Variants in MLC1 observed in about 807,000 individuals in gnomAD.
MLC1 encodes the protein membrane protein MLC1.
In MLC1, 32 loss-of-function variants were observed where a neutral mutation model predicts 44.7. That is an observed-to-expected ratio of 0.72 (90% CI 0.54 to 0.96). The LOEUF is 0.96. Ranked by LOEUF, MLC1 falls within the 40% of genes least tolerant of loss-of-function variation. The pLI, the probability that MLC1 is intolerant of heterozygous loss-of-function variation, is 0.00. For missense variants in MLC1, 459 were observed against 492.2 expected, an observed-to-expected ratio of 0.93 and a Z score of 0.64; for synonymous variants, 190 against 213.0, an observed-to-expected ratio of 0.89 and a Z score of 0.94.
intron 11 of MLC1, 88 bp from the exon 12 acceptor site, chr22:50,061,745 C>T: frequency 2.4e-6 from 3 of 1,241,430 alleles, no homozygotes; most frequent in Non-Finnish European, 3.5e-6. Context: ...AGGCAGCGAG[C>T]AGCCAGCGTT....
rs187554742 is a variant in MLC1, at chr22:50,082,270, T to C, written c.267+814A>G. On this transcript the variant is annotated intron_variant, in intron 3 of 11. Coordinates refer to ENST00000311597, the MANE Select transcript of MLC1 (RefSeq NM_015166.4). ...GCGGGCCAGAGGGGCATGGGGTCCA[T>C]GGCTTGCGGGCCAGAGCCCAGGGGT... Among the ~76,000 whole-genome samples, 4 of 151,114 alleles carry C rather than the reference T, an allele frequency of 2.6e-5. 1 individual carries two copies. The highest frequency in any genetic ancestry group is 1.3e-4 in the Admixed American group (2 of 15,194).
At chr22:50,085,490 A>G (rs950580241), upstream of MLC1, 1 of 168,724 alleles carries the variant, frequency 5.9e-6, no homozygotes, top group African/African-American at 2.4e-5. Flanking sequence ...CTGAATATCA[A>G]TGAGGGGAGG....
At chr22:50,065,519 C>T (rs2061683548) in intron 10 of MLC1, among the ~76,000 whole-genome samples, 1 of 152,346 alleles carries the variant, frequency 6.6e-6, no homozygotes, top group Admixed American at 6.5e-5. Flanking sequence ...ACAGATGGAG[C>T]TGGTCTCCCC....
At chr22:50,070,634 G>A (rs750313259) in intron 8 of MLC1, 51 bp from the exon 9 acceptor site, 39 of 1,529,116 alleles carry the variant, frequency 2.6e-5, no homozygotes, top group Non-Finnish European at 2.9e-5. Flanking sequence ...CGAAGAAGTC[G>A]AATTCCAAAC....
chr22:50,061,810 T>C (rs1029692214), intron 11 of MLC1, among the ~76,000 whole-genome samples, 153 bp from the exon 12 acceptor site: 2 of 151,906 alleles, frequency 1.3e-5, no homozygotes, highest in African/African-American at 4.8e-5. Flanking sequence ...TGGGCCTCTG[T>C]GGAAAGAGAT....
intron 10 of MLC1, among the ~76,000 whole-genome samples, chr22:50,066,543 C>T (rs1480481668): frequency 6.6e-6 from 1 of 151,970 alleles, no homozygotes; most frequent in Non-Finnish European, 1.5e-5. Flanking sequence ...GCCTGTAATC[C>T]CAGATGCTCC....
At chr22:50,081,204 G>A (rs113278444) in intron 3 of MLC1, among the ~76,000 whole-genome samples, 7 of 152,106 alleles carry the variant, frequency 4.6e-5, no homozygotes, top group African/African-American at 7.2e-5. Context: ...TTAGCTGGGC[G>A]TGGTGGCGGG....
intron 5 of MLC1, among the ~76,000 whole-genome samples, chr22:50,079,271 G>A (rs760075080): frequency 2.0e-5 from 3 of 151,670 alleles, no homozygotes; most frequent in Non-Finnish European, 4.4e-5. Flanking sequence ...GCGACAGAGC[G>A]AGATTCCTTC....
rs1314012914 is a variant in MLC1 at position 50,070,635 on chromosome 22, A to G, written c.715-52T>C. ...TTAGAGGAAATAGTCGAAGAAGTCGAATTCCAAACATGTGCCCTCCCACCA... is the reference window on the plus strand; with the variant it reads ...TTAGAGGAAATAGTCGAAGAAGTCGGATTCCAAACATGTGCCCTCCCACCA... On this transcript the variant is annotated intron_variant, in intron 8 of 11. Coordinates refer to ENST00000311597, the MANE Select transcript of MLC1 (RefSeq NM_015166.4). 8.5e-6 allele frequency: 13 copies of G among 1,525,040 alleles called. No individual in the cohort carries two copies. In the African/African-American group the frequency reaches 1.7e-4, roughly 19 times the overall value. The allele number at this position is 1,525,040 out of a possible 1,614,324, so 94.5% of individuals were successfully genotyped here.
chr22:50,082,768 G>A lies in MLC1; in HGVS notation c.267+316C>T, dbSNP rs1458850620. On this transcript the variant is annotated intron_variant, in intron 3 of 11. Transcript: ENST00000311597. ...CAACCTCCGCCTCCCAGGTTCAAGC[G>A]ATTCTCCTGCCTCAGCCTCCTGAGT... Among the ~76,000 whole-genome samples the A allele has an allele frequency of 3.9e-5, 6 of 152,124 alleles. No individual in the cohort carries two copies. In the South Asian group the frequency reaches 8.3e-4, roughly 21 times the overall value.
intron 3 of MLC1, among the ~76,000 whole-genome samples, chr22:50,082,736 C>T (rs2062177657): frequency 6.6e-6 from 1 of 152,210 alleles, no homozygotes. Flanking sequence ...ACAATCTGGG[C>T]TCACTGCAAC....
rs532264221 is a variant in MLC1, at chr22:50,082,767, C to T, written c.267+317G>A. On this transcript the variant is annotated intron_variant, in intron 3 of 11. Coordinates refer to ENST00000311597, the MANE Select transcript of MLC1 (RefSeq NM_015166.4). ...GCAACCTCCGCCTCCCAGGTTCAAG[C>T]GATTCTCCTGCCTCAGCCTCCTGAG... Among the ~76,000 whole-genome samples the T allele has an allele frequency of 2.1e-3, 317 of 152,284 alleles. 2 individuals are homozygous for T. Among genetic ancestry groups the T allele is most frequent in the African/African-American group, 7.5e-3 (313 of 41,536 alleles).
intron 11 of MLC1, among the ~76,000 whole-genome samples, chr22:50,063,529 G>A (rs2061617516): frequency 6.6e-6 from 1 of 151,776 alleles, no homozygotes; most frequent in Non-Finnish European, 1.5e-5. Flanking sequence ...GTTTTTCTGG[G>A]GTGTTTTTAA....
At position 50,084,675 on chromosome 22, in the gene MLC1, G is replaced by A. The variant is rs557032835; in HGVS notation, c.177+51C>T. The A allele has an allele frequency of 9.5e-5, 152 of 1,598,940 alleles. 3 individuals carry two copies. In the South Asian group the frequency reaches 1.6e-3, roughly 17 times the overall value. On this transcript the variant is annotated intron_variant, in intron 2 of 11. Coordinates refer to ENST00000311597, the MANE Select transcript of MLC1 (RefSeq NM_015166.4). ...TCCAGGGCGCTGCAGTCCGTCACCA[G>A]AGGGACCAGATGCTCGTGGCCCTCC...
chr22:50,062,166 C>T (rs1245452085), intron 11 of MLC1, among the ~76,000 whole-genome samples: 2 of 147,834 alleles, frequency 1.4e-5, no homozygotes, highest in Non-Finnish European at 3.0e-5. Context: ...GGGCCCCAGC[C>T]GTCCACCCTA....
chr22:50,062,790 T>C (rs2061599944), intron 11 of MLC1, among the ~76,000 whole-genome samples: 1 of 152,206 alleles, frequency 6.6e-6, no homozygotes, highest in Admixed American at 6.5e-5. Flanking sequence ...GTCCTAGTGG[T>C]CACTGCACCT....
At chr22:50,065,935 A>G (rs2061692617) in intron 10 of MLC1, among the ~76,000 whole-genome samples, 1 of 152,220 alleles carries the variant, frequency 6.6e-6, no homozygotes, top group Non-Finnish European at 1.5e-5. Context: ...TTCCATCACT[A>G]GGGACTGGCT....
At chr22:50,080,145 G>T in intron 4 of MLC1, 126 bp from the exon 5 acceptor site, 2 of 1,010,804 alleles carry the variant, frequency 2.0e-6, no homozygotes, top group Non-Finnish European at 3.0e-6. Context: ...GGGGAGTCCT[G>T]CGTGCTCAGC....
chr22:50,075,395 C>CAA (rs1195771567), intron 7 of MLC1, among the ~76,000 whole-genome samples: 9 of 152,136 alleles, frequency 5.9e-5, no homozygotes, highest in Non-Finnish European at 1.3e-4. Context: ...CCAGAAGGCA[C>CAA]AAAACTCCAG....
Sources: gnomAD v4.1 joint callset for allele counts (sites outside exome capture counted in the v4.1 genomes callset) on GRCh38, gnomAD v4.1.1 for gene constraint, MANE v1.5 for transcripts, NCBI Gene and HGNC (gene_info 2026-07-23, HGNC 2026-07-21) for gene names.